TRPM1: variants seen among roughly 807,000 people sequenced by gnomAD.
The protein encoded by TRPM1 is transient receptor potential cation channel subfamily M member 1.
TRPM1 carries 113 observed loss-of-function variants against 149.4 expected under a neutral mutation model. The observed-to-expected ratio is 0.76, with a 90% CI of 0.65 to 0.88. The LOEUF is 0.88. TRPM1 is among the 40% of genes least tolerant of loss of function. TRPM1 has a pLI of 0.00. For missense variants in TRPM1, 1,976 were observed against 2,038.7 expected (o/e 0.97, Z 0.59); for synonymous variants, 741 against 759.5 (o/e 0.98, Z 0.40).
At chr15:31,022,592 G>C (rs551988878) in intron 27 of TRPM1, among the ~76,000 whole-genome samples, 1 of 152,340 alleles carries the variant, frequency 6.6e-6, no homozygotes, top group Admixed American at 6.5e-5. Flanking sequence ...CCTTCCTGTG[G>C]CACAATCCTT....
chr15:31,088,411 T>C (rs913365087), intron 1 of TRPM1, among the ~76,000 whole-genome samples: 1 of 152,198 alleles, frequency 6.6e-6, no homozygotes, highest in African/African-American at 2.4e-5. Context: ...AGAAAGTGTC[T>C]GGGTTGGCAC....
intron 1 of TRPM1, among the ~76,000 whole-genome samples, chr15:31,157,549 G>T (rs556458874): frequency 3.3e-4 from 50 of 152,236 alleles, no homozygotes; most frequent in African/African-American, 1.1e-3. Context: ...AAAAAATGTA[G>T]ACAGGGATAA....
chr15:31,013,465 G>T (rs2032256256), intron 27 of TRPM1, among the ~76,000 whole-genome samples: 1 of 151,338 alleles, frequency 6.6e-6, no homozygotes, highest in Non-Finnish European at 1.5e-5. Flanking sequence ...TTTCCTTTAG[G>T]TCTTTAAATA....
chr15:31,096,790 C>T (rs551874872), intron 1 of TRPM1, among the ~76,000 whole-genome samples: 2 of 152,344 alleles, frequency 1.3e-5, no homozygotes, highest in Non-Finnish European at 1.5e-5. Flanking sequence ...TGGCAGTGCT[C>T]CCATGGTCCA....
Position 31,040,764 on chromosome 15 carries a change from G to A in TRPM1, c.2088-418C>T, listed in dbSNP as rs562580149. Among the ~76,000 whole-genome samples the A allele has an allele frequency of 1.3e-4, 20 of 152,342 alleles. 1 individual carries two copies. The South Asian group carries it at 3.7e-3, about 28-fold the overall frequency. On this transcript the variant is annotated intron_variant, in intron 17 of 27. Coordinates refer to ENST00000256552, the MANE Select transcript of TRPM1 (RefSeq NM_001252024.2). This position sits in a 1 kb window ranked among gnomAD's most constrained non-coding sequence, Gnocchi z 4.2. ...TAGCGGGGCTGCTGGTGGTGGTGGTGGCGGGAGGTGGACACTGAAAGGAGT... is the reference window on the plus strand; with the variant it reads ...TAGCGGGGCTGCTGGTGGTGGTGGTAGCGGGAGGTGGACACTGAAAGGAGT...
intron 1 of TRPM1, among the ~76,000 whole-genome samples, chr15:31,143,486 A>G (rs1337800659): frequency 6.6e-6 from 1 of 152,070 alleles, no homozygotes; most frequent in Non-Finnish European, 1.5e-5. Flanking sequence ...CAGTGGTGCT[A>G]TCTTGGCTCA....
chr15:31,082,529 C>T (rs1037696276), intron 1 of TRPM1, among the ~76,000 whole-genome samples: 1 of 152,108 alleles, frequency 6.6e-6, no homozygotes, highest in Non-Finnish European at 1.5e-5. Context: ...GATTTAAATG[C>T]AATCCTGGTC....
intron 3 of TRPM1, among the ~76,000 whole-genome samples, chr15:31,073,873 C>A (rs1288442641): frequency 6.6e-6 from 1 of 151,984 alleles, no homozygotes; most frequent in Non-Finnish European, 1.5e-5. Flanking sequence ...TGAGGAAGTT[C>A]CCTTCTATTC....
intron 1 of TRPM1, among the ~76,000 whole-genome samples, chr15:31,147,096 T>C (rs534938427): frequency 6.6e-6 from 1 of 152,362 alleles, no homozygotes; most frequent in East Asian, 1.9e-4. Flanking sequence ...TGGAATTAAC[T>C]TATCTTTTTT....
At chr15:31,052,514 T>C (rs1257112551) in intron 11 of TRPM1, among the ~76,000 whole-genome samples, 1 of 152,122 alleles carries the variant, frequency 6.6e-6, no homozygotes, top group East Asian at 1.9e-4. Context: ...GTAGTTCACG[T>C]CTGTAATCCC....
intron 27 of TRPM1, among the ~76,000 whole-genome samples, chr15:31,023,725 G>A (rs2032625913): frequency 6.6e-6 from 1 of 152,188 alleles, no homozygotes; most frequent in African/African-American, 2.4e-5. Context: ...AGAGACTGGA[G>A]TGCAAGTTTG....
chr15:31,005,153 G>A (rs976460128), intron 27 of TRPM1, among the ~76,000 whole-genome samples: 7 of 131,880 alleles, frequency 5.3e-5, no homozygotes, highest in South Asian at 2.3e-4. Context: ...TCCCTACTCC[G>A]TTCAGTTCTA....
chr15:31,127,670 T>C (rs1260745842), intron 1 of TRPM1, among the ~76,000 whole-genome samples: 1 of 152,064 alleles, frequency 6.6e-6, no homozygotes, highest in Non-Finnish European at 1.5e-5. Flanking sequence ...AGTTCCATAC[T>C]TGGGTGGGAC....
chr15:31,018,837 G>T (rs568390155), intron 27 of TRPM1, among the ~76,000 whole-genome samples: 17 of 152,362 alleles, frequency 1.1e-4, no homozygotes, highest in Non-Finnish European at 2.2e-4. Context: ...TGTAATTTTA[G>T]TAGAGATGGA....
At chr15:31,140,212 CAA>C (rs34651089) in intron 1 of TRPM1, among the ~76,000 whole-genome samples, 14 of 103,128 alleles carry the variant, frequency 1.4e-4, no homozygotes, top group East Asian at 2.9e-4. Context: ...ACTAAAAATA[CAA>C]AAAAAAAAAA....
In TRPM1 at chr15:31,002,913, C is replaced by T. The variant is rs888048078; in HGVS notation, c.3787G>A (p.Asp1263Asn). Residue 1263 changes from aspartate (D) to asparagine (N), a missense_variant, in exon 28 of 28, where the codon GAC becomes AAC. Around this residue, in one of 3 missense-constraint regions of TRPM1, gnomAD observed 572 missense variants for 578.9 expected, o/e 0.99. Transcript: ENST00000256552. ...LENLAGIDRSDLIQARSRASS... is the reference protein window; with the variant it reads ...LENLAGIDRSNLIQARSRASS... Reference sequence around the variant, plus strand: ...GCCCGGGACCGTGCCTGGATCAGGTCAGACCTGTCGATTCCCGCAAGATTT... The same window carrying T: ...GCCCGGGACCGTGCCTGGATCAGGTTAGACCTGTCGATTCCCGCAAGATTT... 16 of 1,609,068 alleles carry T rather than the reference C, an allele frequency of 9.9e-6. No individual in the cohort carries two copies. The African/African-American group carries it at 1.9e-4, about 19-fold the overall frequency.
intron 11 of TRPM1, among the ~76,000 whole-genome samples, chr15:31,058,612 A>G (rs548906735): frequency 7.2e-5 from 11 of 152,376 alleles, no homozygotes; most frequent in African/African-American, 2.6e-4. Context: ...GTACATGTTC[A>G]TCATGTCAAG....
chr15:31,139,674 A>C (rs999789032), intron 1 of TRPM1, among the ~76,000 whole-genome samples: 1 of 152,218 alleles, frequency 6.6e-6, no homozygotes, highest in Non-Finnish European at 1.5e-5. Flanking sequence ...TTTAATAAAA[A>C]CAGCTGTGTC....
At chr15:31,013,082 G>A (rs2032243897) in intron 27 of TRPM1, among the ~76,000 whole-genome samples, 1 of 150,610 alleles carries the variant, frequency 6.6e-6, no homozygotes, top group Admixed American at 6.7e-5. Flanking sequence ...CTGGGCTCAA[G>A]CAATCCTCCC....
Sources: gnomAD v4.1 joint callset for allele counts (sites outside exome capture counted in the v4.1 genomes callset) on GRCh38, gnomAD v4.1.1 for gene constraint, gnomAD v4.1.1 regional missense constraint, Gnocchi (gnomAD v3.1) non-coding constraint, MANE v1.5 for transcripts, NCBI Gene and HGNC (gene_info 2026-07-23, HGNC 2026-07-21) for gene names.